The following SERPINB11 variants were observed in gnomAD, a reference collection of about 807,000 sequenced individuals.
SERPINB11 encodes serpin B11.
In SERPINB11, 32 loss-of-function variants were observed where a neutral mutation model predicts 36.7. That is an observed-to-expected ratio of 0.87 (90% confidence interval 0.66 to 1.17). The LOEUF is 1.17. SERPINB11 is among the 50% of genes most tolerant of loss of function. The pLI, the probability that SERPINB11 is intolerant of heterozygous loss-of-function variation, is 0.00. For synonymous variants in SERPINB11, 174 were observed against 168.1 expected (o/e 1.04, Z -0.27); for missense variants, 528 against 458.4 (o/e 1.15, Z -1.39).
chr18:63,709,859 A>G (rs1445940199), intron 1 of SERPINB11, among the ~76,000 whole-genome samples: 2 of 152,208 alleles, frequency 1.3e-5, no homozygotes, highest in Non-Finnish European at 2.9e-5. Context: ...ATGGAAATTC[A>G]GAATACAAAG....
chr18:63,723,102 G>A lies in SERPINB11; in HGVS notation c.882G>A (p.Lys294=), dbSNP rs770899515. 1.2e-6 allele frequency: 2 copies of A among 1,605,336 alleles called. No individual in the cohort carries two copies. The highest frequency in any genetic ancestry group is 2.2e-5 in the East Asian group (1 of 44,626). ...TCCCCCGATTCAAACTTGAAACTAA[G>A]TATGAGCTAAATTCCCTGTTAAAAT... ...VHLPRFKLET[K]YELNSLLKSL... is the part of the protein sequence containing the mutation. Residue 294 remains lysine (K), a synonymous_variant, in exon 8 of 8, where the codon AAG becomes AAA. Coordinates refer to ENST00000544088, the MANE Select transcript of SERPINB11 (RefSeq NM_001370475.1).
At chr18:63,712,803 T>C (rs780907942) in intron 4 of SERPINB11, 110 bp downstream of exon 4, 92 of 1,211,152 alleles carry the variant, frequency 7.6e-5, no homozygotes, top group Non-Finnish European at 1.0e-4. Flanking sequence ...CATTAAGAGA[T>C]TGACTTTGTG....
rs756707487 is a variant in SERPINB11, at chr18:63,716,035, C to A, written c.358C>A (p.Gln120Lys). 17 of 1,587,320 alleles carry A rather than the reference C, an allele frequency of 1.1e-5. No homozygotes were observed. The Admixed American group carries it at 2.7e-4, about 25-fold the overall frequency. ...YGTKTMAFHQ[Q>K]YLSCSEKWYQ... ...TGTTCAATTATCATGTCTTTCATAG[C>A]AATATTTAAGCTGTTCTGAGAAATG... Residue 120 changes from glutamine (Q) to lysine (K), a missense_variant and splice_region_variant, in exon 5 of 8, where the codon CAA becomes AAA. Coordinates refer to ENST00000544088, the MANE Select transcript of SERPINB11 (RefSeq NM_001370475.1).
chr18:63,718,779 T>A (rs1165158157), intron 5 of SERPINB11, among the ~76,000 whole-genome samples: 2 of 152,070 alleles, frequency 1.3e-5, no homozygotes, highest in Non-Finnish European at 2.9e-5. Flanking sequence ...GATGTCAAGT[T>A]TAGTAATAGG....
intron 4 of SERPINB11, among the ~76,000 whole-genome samples, chr18:63,713,157 G>C (rs746422910): frequency 1.3e-5 from 2 of 152,124 alleles, no homozygotes; most frequent in Non-Finnish European, 2.9e-5. Flanking sequence ...TTAGTTCTTT[G>C]TAGCTCCAAT....
intron 1 of SERPINB11, among the ~76,000 whole-genome samples, chr18:63,706,804 A>G (rs1914383414): frequency 6.6e-6 from 1 of 152,224 alleles, no homozygotes; most frequent in South Asian, 2.1e-4. Flanking sequence ...TGGGTAATCA[A>G]TTCACTCAAT....
chr18:63,709,953 C>T (rs770662589), intron 1 of SERPINB11, among the ~76,000 whole-genome samples: 1 of 152,122 alleles, frequency 6.6e-6, no homozygotes, highest in Admixed American at 6.5e-5. Flanking sequence ...TAGATTTTAA[C>T]CATTGGCTGA....
At chr18:63,714,823 G>A (rs549233549) in intron 4 of SERPINB11, among the ~76,000 whole-genome samples, 2 of 152,202 alleles carry the variant, frequency 1.3e-5, no homozygotes, top group African/African-American at 4.8e-5. Context: ...GGGTCCTGAG[G>A]TGATATACAT....
At chr18:63,717,855 C>T (rs1914707921) in intron 5 of SERPINB11, among the ~76,000 whole-genome samples, 3 of 151,856 alleles carry the variant, frequency 2.0e-5, no homozygotes, top group Admixed American at 2.0e-4. Flanking sequence ...TGATCTTTTC[C>T]TTTATAGTTA....
intron 2 of SERPINB11, 50 bp downstream of exon 2, chr18:63,710,411 C>T: frequency 6.8e-7 from 1 of 1,478,960 alleles, no homozygotes; most frequent in Non-Finnish European, 9.1e-7. Context: ...CTTTCATGCT[C>T]CCGCTCTGGG....
intron 1 of SERPINB11, among the ~76,000 whole-genome samples, chr18:63,709,845 A>C (rs1462257800): frequency 6.6e-6 from 1 of 152,104 alleles, no homozygotes; most frequent in Non-Finnish European, 1.5e-5. Context: ...GAATGTCTTA[A>C]AGCATGGAAA....
chr18:63,720,469 A>C (rs760241425), intron 6 of SERPINB11: 25 of 336,256 alleles, frequency 7.4e-5, no homozygotes, highest in Admixed American at 4.2e-4. Flanking sequence ...CACTAAGGCT[A>C]TCTGTGTTAT....
chr18:63,715,892 C>T (rs1374576796), intron 4 of SERPINB11, 143 bp from the exon 5 acceptor site: 3 of 529,310 alleles, frequency 5.7e-6, no homozygotes, highest in Non-Finnish European at 3.3e-6. Context: ...AAAATAAGTA[C>T]ATATGGATCC....
chr18:63,720,021 G>T lies in SERPINB11; in HGVS notation c.484G>T (p.Ala162Ser). 6.3e-7 allele frequency: 1 copy of T among 1,597,094 alleles called. No individual in the cohort carries two copies. Among genetic ancestry groups the T allele is most frequent in the East Asian group, 2.3e-5 (1 of 44,240 alleles). ...CTTATTTTTTATACAAGGAAAAGTC[G>T]CAAATCTCTTTGGAAAGAGCACAAT... ...WVENKTNGKVANLFGKSTIDP... is the reference protein window; with the variant it reads ...WVENKTNGKVSNLFGKSTIDP... Residue 162 changes from alanine to serine, a missense_variant, in exon 6 of 8, where the codon GCA becomes TCA. Physicochemically the swap from Ala to Ser is moderately conservative, Grantham distance 99. Transcript: ENST00000544088.
rs751420424 is a variant in SERPINB11, at chr18:63,712,678, G to A, written c.342G>A (p.Thr114=). 13 of 1,613,316 alleles carry A rather than the reference G, an allele frequency of 8.1e-6. No individual in the cohort carries two copies. The highest frequency in any genetic ancestry group is 3.3e-5 in the South Asian group (3 of 90,974). The change falls in exon 4 of 8, where the codon ACG becomes ACA. Residue 114 remains threonine, a synonymous_variant. Transcript: ENST00000544088. ...SIANRLYGTK[T]MAFHQQYLSC... is the part of the protein sequence containing the mutation. Reference sequence around the variant, plus strand: ...CCAACAGGCTCTACGGGACAAAGACGATGGCATTTCATCAGGTAAGTCCAT... The same window carrying A: ...CCAACAGGCTCTACGGGACAAAGACAATGGCATTTCATCAGGTAAGTCCAT...
chr18:63,718,856 A>G (rs1598967041), intron 5 of SERPINB11, among the ~76,000 whole-genome samples: 1 of 151,036 alleles, frequency 6.6e-6, no homozygotes, highest in Admixed American at 6.6e-5. Flanking sequence ...TGAAAGGTGT[A>G]TTTTTTTTTC....
intron 4 of SERPINB11, among the ~76,000 whole-genome samples, chr18:63,715,196 C>G (rs916162506): frequency 5.3e-5 from 8 of 152,116 alleles, no homozygotes; most frequent in African/African-American, 1.9e-4. Flanking sequence ...TTGAGTCCCA[C>G]TGGGCTGTGG....
rs371442569 is a variant in SERPINB11 at position 63,723,230 on chromosome 18, T to A, written c.1010T>A (p.Leu337Gln). ...YLSKAIHKSYLDVSEEGTEAA... is the reference protein window; with the variant it reads ...YLSKAIHKSYQDVSEEGTEAA... ...TCAAAAGCCATCCACAAGTCATACC[T>A]GGATGTCAGCGAAGAGGGCACGGAG... is the stretch of plus-strand genomic sequence containing the variant. The change falls in exon 8 of 8, where the codon CTG (leucine) becomes CAG (glutamine). Residue 337 changes from leucine to glutamine, a missense_variant. Physicochemically the swap from Leu to Gln is moderately radical, Grantham distance 113. Transcript: ENST00000544088. The A allele has an allele frequency of 1.5e-5, 25 of 1,613,784 alleles. No individual in the cohort carries two copies. The African/African-American group carries it at 2.8e-4, about 18-fold the overall frequency.
Position 63,716,112 on chromosome 18 carries a change from G to A in SERPINB11, c.435G>A (p.Thr145=), listed in dbSNP as rs367579501. The change falls in exon 5 of 8, where the codon ACG becomes ACA. Residue 145 remains threonine (T), a synonymous_variant. Coordinates refer to ENST00000544088, the MANE Select transcript of SERPINB11 (RefSeq NM_001370475.1). ...ATTTTGAACAGTCTACAGAAGAAAC[G>A]AGGAAAACGATTAATGCTTGGGTTG... The part of the protein sequence containing the change: ...TVDFEQSTEE[T]RKTINAWVEN... 3.4e-5 allele frequency: 54 copies of A among 1,611,136 alleles called. 1 individual carries two copies. In the African/African-American group the frequency reaches 3.9e-4, roughly 12 times the overall value.
Sources: gnomAD v4.1 joint callset for allele counts (sites outside exome capture counted in the v4.1 genomes callset) on GRCh38, gnomAD v4.1.1 for gene constraint, MANE v1.5 for transcripts, NCBI Gene and HGNC (gene_info 2026-07-23, HGNC 2026-07-21) for gene names.